The following A2ML1 variants were observed in gnomAD, a reference collection of about 807,000 sequenced individuals.
A2ML1 encodes the protein alpha-2-macroglobulin-like protein 1.
A neutral mutation model predicts 181.9 loss-of-function variants in A2ML1; 161 were observed. The ratio of observed to expected loss-of-function variants is 0.89; its 90% CI spans 0.78 to 1.01. The LOEUF (loss-of-function observed/expected upper bound fraction) is 1.01. Among genes scored for constraint, A2ML1 ranks in the 50% least tolerant of loss-of-function variants. The pLI, the probability that A2ML1 is intolerant of heterozygous loss-of-function variation, is 0.00. For missense variants in A2ML1, 1,670 were observed against 1,768.1 expected (o/e 0.94, Z 1.00); for synonymous variants, 663 against 666.8 (o/e 0.99, Z 0.09).
chr12:8,829,655 A>T, intron 3 of A2ML1, 72 bp from the exon 4 acceptor site: 2 of 101,602 alleles, frequency 2.0e-5, no homozygotes, highest in Non-Finnish European at 1.8e-5. Context: ...ACCCTGTATC[A>T]AAAAAAAAAA....
In A2ML1 at chr12:8,838,351, T is replaced by C. The variant is rs1310248691; in HGVS notation, c.871T>C (p.Cys291Arg). 6.2e-7 allele frequency: 1 copy of C among 1,613,364 alleles called. No homozygotes were observed. The change falls in exon 9 of 36, where the codon TGT becomes CGT. Residue 291 changes from cysteine (C) to arginine (R), a missense_variant. By Grantham distance (180) the Cys-to-Arg change is radical. Coordinates refer to ENST00000299698, the MANE Select transcript of A2ML1 (RefSeq NM_144670.6). ...NLSGQTDKTG[C>R]FSAPVDMATF... ...ACCTCACTAGACTGACAAAACAGGATGTTTCTCAGCACCTGTGGACATGGC... is the reference window on the plus strand; with the variant it reads ...ACCTCACTAGACTGACAAAACAGGACGTTTCTCAGCACCTGTGGACATGGC...
intron 33 of A2ML1, among the ~76,000 whole-genome samples, chr12:8,870,441 G>C (rs1301350589): frequency 6.6e-6 from 1 of 152,016 alleles, no homozygotes; most frequent in East Asian, 1.9e-4. Context: ...CTAATTTTTT[G>C]TATTTTTACT....
downstream of A2ML1, among the ~76,000 whole-genome samples, chr12:8,878,375 A>G (rs1315084980): frequency 6.6e-6 from 1 of 152,222 alleles, no homozygotes; most frequent in Non-Finnish European, 1.5e-5. This position sits in a 1 kb window ranked among gnomAD's most constrained non-coding sequence, Gnocchi z 4.4. Flanking sequence ...GGAGGCCATT[A>G]TCCTAAGTGA....
At chr12:8,869,255 G>T in intron 33 of A2ML1, 52 bp downstream of exon 33, 1 of 1,572,590 alleles carries the variant, frequency 6.4e-7, no homozygotes, top group South Asian at 1.1e-5. Flanking sequence ...GGATCTTCAT[G>T]ACTTCCCTTC....
At chr12:8,835,759 A>T in intron 6 of A2ML1, 93 bp downstream of exon 6, 1 of 1,527,506 alleles carries the variant, frequency 6.5e-7, no homozygotes, top group Non-Finnish European at 8.9e-7. Context: ...CACGCCTGTA[A>T]TCCCAGGACT....
intron 13 of A2ML1, among the ~76,000 whole-genome samples, chr12:8,845,849 C>CAAAAAAAAA (rs1231550807): frequency 7.2e-5 from 4 of 55,520 alleles, no homozygotes; most frequent in Admixed American, 2.0e-4. Flanking sequence ...GACTCCGTCT[C>CAAAAAAAAA]AAAAAAAAAA....
At chr12:8,864,035 C>T in intron 29 of A2ML1, 27 bp downstream of exon 29, 1 of 1,592,202 alleles carries the variant, frequency 6.3e-7, no homozygotes, top group Non-Finnish European at 8.6e-7. Context: ...CCCACTGCCA[C>T]TTATCAGGTA....
intron 30 of A2ML1, 33 bp from the exon 31 acceptor site, chr12:8,868,197 A>G: frequency 6.2e-7 from 1 of 1,612,788 alleles, no homozygotes; most frequent in Non-Finnish European, 8.5e-7. Flanking sequence ...GTTCTTTCCA[A>G]GTCTGATTTG....
intron 32 of A2ML1, 49 bp downstream of exon 32, chr12:8,868,676 C>T (rs768209444): frequency 6.3e-5 from 97 of 1,538,900 alleles, no homozygotes; most frequent in Non-Finnish European, 8.0e-5. Context: ...GGGGACCTAA[C>T]GTTATAATTT....
At chr12:8,884,227 T>TA (rs1944897016) in intron 7 of A2ML1, among the ~76,000 whole-genome samples, 1 of 144,216 alleles carries the variant, frequency 6.9e-6, no homozygotes, top group African/African-American at 2.6e-5. Context: ...TTTTTTTATT[T>TA]TTTGTTTTTT....
chr12:8,868,457 C>CGTGTGTGTGTGTGTGTACGT, intron 31 of A2ML1, 80 bp from the exon 32 acceptor site: 2 of 1,442,474 alleles, frequency 1.4e-6, no homozygotes, highest in Non-Finnish European at 1.9e-6. Flanking sequence ...TGTGTGTGTA[C>CGTGTGTGTGTGTGTGTACGT]GTGTGTGTGT....
Position 8,863,841 on chromosome 12 carries a change from A to C in A2ML1, c.3550A>C (p.Ser1184Arg). 1 of 1,614,240 alleles carries C rather than the reference A, an allele frequency of 6.2e-7. No individual in the cohort carries two copies. The highest frequency in any genetic ancestry group is 8.5e-7 in the Non-Finnish European group (1 of 1,180,032). Residue 1184 changes from serine (S) to arginine (R), a missense_variant, in exon 29 of 36, where the codon AGC (serine) becomes CGC (arginine). Transcript: ENST00000299698. ...GAAACCTACTCCATCATCGAACGCC[A>C]GCCCTTGGTCTGAGCCTGCGGCTGT... ...SQKPTPSSNA[S>R]PWSEPAAVDV... is the part of the protein sequence containing the mutation.
downstream of A2ML1, among the ~76,000 whole-genome samples, chr12:8,881,037 G>C (rs1944865758): frequency 6.6e-6 from 1 of 152,174 alleles, no homozygotes. Context: ...GGGTTCAGGT[G>C]GTTCACCAGT....
intron 4 of A2ML1, among the ~76,000 whole-genome samples, chr12:8,833,004 C>T (rs73036989): frequency 2.3e-4 from 26 of 111,768 alleles, no homozygotes; most frequent in East Asian, 3.2e-4. Flanking sequence ...GACGGAGTTT[C>T]GCTGCGTTGC....
At chr12:8,823,492 A>C (rs998809094) in intron 2 of A2ML1, 127 bp downstream of exon 2, 17 of 1,199,490 alleles carry the variant, frequency 1.4e-5, no homozygotes, top group Non-Finnish European at 2.0e-5. Flanking sequence ...ATTTTTTCTC[A>C]ACTTAACCTC....
chr12:8,856,246 A>T (rs1944057877), intron 23 of A2ML1, among the ~76,000 whole-genome samples: 2 of 152,330 alleles, frequency 1.3e-5, no homozygotes, highest in Admixed American at 1.3e-4. Context: ...GATCCTTTGC[A>T]GTCACAGTGT....
chr12:8,878,517 A>T (rs766151345), downstream of A2ML1, among the ~76,000 whole-genome samples: 1 of 152,330 alleles, frequency 6.6e-6, no homozygotes, highest in South Asian at 2.1e-4. This position sits in a 1 kb window ranked among gnomAD's most constrained non-coding sequence, Gnocchi z 4.4. Context: ...GGGAGGAAAG[A>T]GGGCAAGAGT....
chr12:8,843,968 C>T (rs1347966908), intron 12 of A2ML1, among the ~76,000 whole-genome samples: 1 of 152,092 alleles, frequency 6.6e-6, no homozygotes, highest in African/African-American at 2.4e-5. Context: ...GATCCACCTG[C>T]CTCAGTCTCC....
At position 8,874,916 on chromosome 12, in the gene A2ML1, C is replaced by T. The variant is rs75672371; in HGVS notation, c.4325-55C>T. The T allele has an allele frequency of 2.6e-3, 4,093 of 1,576,628 alleles. 102 individuals carry two copies. The African/African-American group carries it at 0.047, about 18-fold the overall frequency. ...AGCAGTAGCTTTTCTGAAGCATTTT[C>T]CCTCTGAATATAGGAGGCCCTCAAA... On this transcript the variant is annotated intron_variant, in intron 34 of 35. Transcript: ENST00000299698.
Sources: gnomAD v4.1 joint callset for allele counts (sites outside exome capture counted in the v4.1 genomes callset) on GRCh38, gnomAD v4.1.1 for gene constraint, Gnocchi (gnomAD v3.1) non-coding constraint, MANE v1.5 for transcripts, NCBI Gene and HGNC (gene_info 2026-07-23, HGNC 2026-07-21) for gene names.